The following LY6G5C variants were observed in gnomAD, a reference collection of about 807,000 sequenced individuals.
LY6G5C encodes lymphocyte antigen 6 family member G5C.
A neutral mutation model predicts 10.5 loss-of-function variants in LY6G5C; 6 were observed. That is an observed-to-expected ratio of 0.57 (90% confidence interval 0.31 to 1.12). LY6G5C has a LOEUF of 1.12. Among genes scored for constraint, LY6G5C ranks in the 50% most tolerant of loss-of-function variants. LY6G5C has a pLI of 0.05. For synonymous variants in LY6G5C, 69 were observed against 67.8 expected (o/e 1.02, Z -0.09); for missense variants, 160 against 185.5 (o/e 0.86, Z 0.80).
At position 31,680,240 on chromosome 6, in the gene LY6G5C, T is replaced by TG. The variant is rs758213050; in HGVS notation, c.121+12dup. On this transcript the variant is annotated intron_variant, in intron 1 of 2. Transcript: ENST00000383237. This position sits in a 1 kb window ranked among gnomAD's most constrained non-coding sequence, Gnocchi z 4.5. Reference sequence around the variant, plus strand: ...AGGCCAGGAGACCCTTCTGAACCCTTGGAGCCACTTACCAAACACCAAGCT... The same window carrying TG: ...AGGCCAGGAGACCCTTCTGAACCCTTGGGAGCCACTTACCAAACACCAAGCT... 4.2e-5 allele frequency: 68 copies of TG among 1,612,646 alleles called. 1 individual carries two copies. In the South Asian group the frequency reaches 7.4e-4, roughly 17 times the overall value.
Position 31,679,355 on chromosome 6 carries a change from C to G in LY6G5C, c.122-87G>C. 1.4e-6 allele frequency: 2 copies of G among 1,419,888 alleles called. No individual in the cohort carries two copies. The highest frequency in any genetic ancestry group is 2.0e-6 in the Non-Finnish European group (2 of 1,009,314). The allele number at this position is 1,419,888 out of a possible 1,614,324, so 88.0% of individuals were successfully genotyped here. A position where few individuals can be genotyped will look rare whatever the true frequency, so the allele number is the denominator to read the frequency against. ...CCTGATTCCAGGCCACTCAGCCCCA[C>G]TCCTCCCTCCCTTCCTGTCTCAGAA... On this transcript the variant is annotated intron_variant, in intron 1 of 2. Coordinates refer to ENST00000383237, the Ensembl canonical transcript of LY6G5C. This position sits in a 1 kb window ranked among gnomAD's most constrained non-coding sequence, Gnocchi z 4.4.
At chr6:31,676,790 G>A (rs1240703700) in exon 3 of LY6G5C, 7 of 658,226 alleles carry the variant, frequency 1.1e-5, no homozygotes, top group Non-Finnish European at 1.9e-5. Flanking sequence ...CAGTAAGTGT[G>A]CTGAAGGGCG....
chr6:31,679,409 C>T lies in LY6G5C; in HGVS notation c.122-141G>A. On this transcript the variant is annotated intron_variant, in intron 1 of 2. Transcript: ENST00000383237. The surrounding 1 kb of genome is among the most constrained non-coding windows in gnomAD (Gnocchi z 4.4). ...CATCAAAGCCCCAATTCTCTGCTTC[C>T]TTCCCCAACTGCATACACATACATC... 1 of 854,952 alleles carries T rather than the reference C, an allele frequency of 1.2e-6. No homozygotes were observed. Among genetic ancestry groups the T allele is most frequent in the South Asian group, 1.6e-5 (1 of 64,058 alleles). 53.0% of individuals were successfully genotyped at this position (854,952 alleles called of 1,614,324 possible).
At chr6:31,677,069 C>T in exon 3 of LY6G5C, 1 of 1,612,952 alleles carries the variant, frequency 6.2e-7, no homozygotes, top group Non-Finnish European at 8.5e-7. Context: ...TGAACAATCA[C>T]TCATCTGCTC....
exon 3 of LY6G5C, chr6:31,676,991 T>C: frequency 1.9e-6 from 3 of 1,613,050 alleles, no homozygotes; most frequent in Non-Finnish European, 8.5e-7. Context: ...TTGAGGGTCA[T>C]TGCAGAAATC....
rs1267423375 is a variant in LY6G5C, at chr6:31,680,377, T to G, written c.-4A>C. 2 of 1,606,974 alleles carry G rather than the reference T, an allele frequency of 1.2e-6. No homozygotes were observed. Among genetic ancestry groups the G allele is most frequent in the Non-Finnish European group, 1.7e-6 (2 of 1,176,872 alleles). ...CAGGGCCTGCCATAAAACGCATGAC[T>G]GCCTGCTGGCCTCCAGTTTGGGCTT... On this transcript the variant is annotated 5_prime_UTR_variant, in exon 1 of 3. Coordinates refer to ENST00000383237, the Ensembl canonical transcript of LY6G5C. This position sits in a 1 kb window ranked among gnomAD's most constrained non-coding sequence, Gnocchi z 4.5.
chr6:31,679,332 T>C lies in LY6G5C; in HGVS notation c.122-64A>G. The C allele has an allele frequency of 6.3e-7, 1 of 1,582,232 alleles. No individual in the cohort carries two copies. Among genetic ancestry groups the C allele is most frequent in the South Asian group, 1.1e-5 (1 of 90,254 alleles). Reference sequence around the variant, plus strand: ...TTCTACCTCACACCCTACCACTGCCTGATTCCAGGCCACTCAGCCCCACTC... The same window carrying C: ...TTCTACCTCACACCCTACCACTGCCCGATTCCAGGCCACTCAGCCCCACTC... On this transcript the variant is annotated intron_variant, in intron 1 of 2. Transcript: ENST00000383237. This position sits in a 1 kb window ranked among gnomAD's most constrained non-coding sequence, Gnocchi z 4.4.
chr6:31,679,180 C>G lies in LY6G5C; in HGVS notation c.210G>C (p.Lys70Asn). The G allele has an allele frequency of 6.2e-7, 1 of 1,613,006 alleles. No individual in the cohort carries two copies. The highest frequency in any genetic ancestry group is 8.5e-7 in the Non-Finnish European group (1 of 1,180,010). Residue 70 changes from lysine to asparagine, a missense_variant, in exon 2 of 3, where the codon AAG (lysine) becomes AAC (asparagine). Lys to Asn is a moderately conservative substitution (Grantham distance 94, BLOSUM62 0). Coordinates refer to ENST00000383237, the Ensembl canonical transcript of LY6G5C. The surrounding 1 kb of genome is among the most constrained non-coding windows in gnomAD (Gnocchi z 4.4). ...CAGATCCCAGAAGGCACCCTAACTC[C>G]TTGGTCTCCAAGAGGCATCGGTAGC...
rs559829257 is a variant in LY6G5C at position 31,676,802 on chromosome 6, C to T, written c.*155G>A. 4.2e-6 allele frequency: 3 copies of T among 706,564 alleles called. No individual in the cohort carries two copies. In the Admixed American group the frequency reaches 7.4e-5, roughly 17 times the overall value. The allele number at this position is 706,564 out of a possible 1,614,324, so 43.8% of individuals were successfully genotyped here. ...TAGCAGTAAGTGTGCTGAAGGGCGT[C>T]AACCAAGAGGAAGAGCCAAGGCTGG... On this transcript the variant is annotated 3_prime_UTR_variant, in exon 3 of 3. Transcript: ENST00000383237.
chr6:31,679,314 TCA>T lies in LY6G5C; in HGVS notation c.122-48_122-47del. 1 of 1,607,400 alleles carries T rather than the reference TCA, an allele frequency of 6.2e-7. No homozygotes were observed. The highest frequency in any genetic ancestry group is 8.5e-7 in the Non-Finnish European group (1 of 1,174,988). ...GACCCCACTCACACCCCATTCTACC[TCA>T]CACCCTACCACTGCCTGATTCCAGG... is the stretch of plus-strand genomic sequence containing the variant. On this transcript the variant is annotated intron_variant, in intron 1 of 2. Coordinates refer to ENST00000383237, the Ensembl canonical transcript of LY6G5C. This position sits in a 1 kb window ranked among gnomAD's most constrained non-coding sequence, Gnocchi z 4.4.
At position 31,679,290 on chromosome 6, in the gene LY6G5C, AC is replaced by A. The variant is rs1166951649; in HGVS notation, c.122-23del. 3 of 1,612,276 alleles carry A rather than the reference AC, an allele frequency of 1.9e-6. No individual in the cohort carries two copies. The highest frequency in any genetic ancestry group is 2.5e-6 in the Non-Finnish European group (3 of 1,179,778). ...TTACCTAGAACACAGAGAAGTGCTG[AC>A]CCCACTCACACCCCATTCTACCTCA... On this transcript the variant is annotated intron_variant, in intron 1 of 2. Coordinates refer to ENST00000383237, the Ensembl canonical transcript of LY6G5C. This position sits in a 1 kb window ranked among gnomAD's most constrained non-coding sequence, Gnocchi z 4.4.
Position 31,680,352 on chromosome 6 carries a change from C to T in LY6G5C, c.22G>A (p.Ala8Thr), listed in dbSNP as rs1802822453. 1.3e-6 allele frequency: 2 copies of T among 1,537,708 alleles called. No individual in the cohort carries two copies. Among genetic ancestry groups the T allele is most frequent in the African/African-American group, 2.7e-5 (2 of 74,024 alleles). The change falls in exon 1 of 3, where the codon GCA becomes ACA. Residue 8 changes from alanine to threonine, a missense_variant. Ala to Thr is a moderately conservative substitution (Grantham distance 58, BLOSUM62 0). Transcript: ENST00000383237. This position sits in a 1 kb window ranked among gnomAD's most constrained non-coding sequence, Gnocchi z 4.5. ...AGGGGACCCAGACTCTGGCTCCCTG[C>T]AGGGCCTGCCATAAAACGCATGACT...
In LY6G5C at chr6:31,679,146, G is replaced by A. The variant is rs1265461422; in HGVS notation, c.244C>T (p.Leu82Phe). 2.5e-6 allele frequency: 4 copies of A among 1,612,840 alleles called. No individual in the cohort carries two copies. Among genetic ancestry groups the A allele is most frequent in the African/African-American group, 1.3e-5 (1 of 74,838 alleles). ...ATGCAGCTGCTGCCAGCTGGGGTGA[G>A]GCAGATGTCAGATCCCAGAAGGCAC... Residue 82 changes from leucine to phenylalanine, a missense_variant, in exon 2 of 3, where the codon CTC (leucine) becomes TTC (phenylalanine). Transcript: ENST00000383237. This position sits in a 1 kb window ranked among gnomAD's most constrained non-coding sequence, Gnocchi z 4.4.
chr6:31,677,602 G>A (rs879761237), intron 2 of LY6G5C, among the ~76,000 whole-genome samples: 2 of 152,124 alleles, frequency 1.3e-5, no homozygotes, highest in Admixed American at 6.6e-5. Context: ...CATCAATAGT[G>A]GGATGGGGAA....
rs1802772376 is a variant in LY6G5C, at chr6:31,679,633, A to G, written c.122-365T>C. ...CTATCCTGTGGATTCTGGTTTTCTC[A>G]TCCAGCACACTCCCTAACCCTCCCT... On this transcript the variant is annotated intron_variant, in intron 1 of 2. Transcript: ENST00000383237. The surrounding 1 kb of genome is among the most constrained non-coding windows in gnomAD (Gnocchi z 4.4). 1 of 332,474 alleles carries G rather than the reference A, an allele frequency of 3.0e-6. No homozygotes were observed. The highest frequency in any genetic ancestry group is 2.1e-5 in the African/African-American group (1 of 48,408). The allele number at this position is 332,474 out of a possible 1,614,324, so 20.6% of individuals were successfully genotyped here.
At chr6:31,677,428 G>T (rs1447630660) in intron 2 of LY6G5C, among the ~76,000 whole-genome samples, 1 of 152,130 alleles carries the variant, frequency 6.6e-6, no homozygotes, top group Non-Finnish European at 1.5e-5. Flanking sequence ...AGATTGGGTG[G>T]CAGGAAGGAG....
In LY6G5C at chr6:31,680,310, G is replaced by T; in HGVS notation, c.64C>A (p.Pro22Thr). ...AAGAGGACCGTGTAGAGGGCTTGGG[G>T]GCTGCTGTGGAAGCACAGGGGACCC... Residue 22 changes from proline to threonine, a missense_variant, in exon 1 of 3, where the codon CCC becomes ACC. Transcript: ENST00000383237. This position sits in a 1 kb window ranked among gnomAD's most constrained non-coding sequence, Gnocchi z 4.5. 6.2e-7 allele frequency: 1 copy of T among 1,612,512 alleles called. No homozygotes were observed. The highest frequency in any genetic ancestry group is 1.3e-5 in the African/African-American group (1 of 74,932).
chr6:31,680,402 T>G (rs1456567998), upstream of LY6G5C: 1 of 1,597,184 alleles, frequency 6.3e-7, no homozygotes, highest in Admixed American at 1.7e-5. The surrounding 1 kb of genome is among the most constrained non-coding windows in gnomAD (Gnocchi z 4.5). Context: ...AGTTTGGGCT[T>G]ATATTGGTGG....
chr6:31,676,861 G>C, exon 3 of LY6G5C: 1 of 1,239,592 alleles, frequency 8.1e-7, no homozygotes, highest in East Asian at 2.3e-5. Context: ...AGGAGGGCTG[G>C]TATGAGGGAC....
Sources: allele counts gnomAD v4.1 joint callset (sites outside exome capture counted in the v4.1 genomes callset), GRCh38; gene constraint gnomAD v4.1.1; non-coding constraint Gnocchi (gnomAD v3.1); transcripts MANE v1.5; gene names NCBI Gene and HGNC (gene_info 2026-07-23, HGNC 2026-07-21).